Variants in IBTK observed in about 807,000 individuals in gnomAD.
IBTK encodes the protein BTK-binding protein.
Under a neutral mutation model 154.9 loss-of-function variants are expected in IBTK, and 83 were observed. That is an observed-to-expected ratio of 0.54 (90% CI 0.45 to 0.64). The LOEUF (loss-of-function observed/expected upper bound fraction) is 0.64. Ranked by LOEUF, IBTK falls within the 30% of genes least tolerant of loss-of-function variation. The pLI, the probability that IBTK is intolerant of heterozygous loss-of-function variation, is 0.00. For synonymous variants in IBTK, 515 were observed against 536.1 expected, an observed-to-expected ratio of 0.96 and a Z score of 0.54; for missense variants, 1,332 against 1,584.6, an observed-to-expected ratio of 0.84 and a Z score of 2.71.
chr6:82,237,878 T>A (rs1323840820), intron 2 of IBTK, among the ~76,000 whole-genome samples: 1 of 152,148 alleles, frequency 6.6e-6, no homozygotes, highest in Non-Finnish European at 1.5e-5. Context: ...CAGAAGTTCC[T>A]TAAGGACCAG....
At chr6:82,186,627 T>C (rs1768566132) in intron 25 of IBTK, among the ~76,000 whole-genome samples, 1 of 152,168 alleles carries the variant, frequency 6.6e-6, no homozygotes, top group African/African-American at 2.4e-5. Flanking sequence ...ATCTCCAAAG[T>C]ATGCCTGTAT....
chr6:82,204,834 T>G, intron 17 of IBTK, 23 bp downstream of exon 17: 1 of 1,347,450 alleles, frequency 7.4e-7, no homozygotes, highest in Non-Finnish European at 1.0e-6. Context: ...AACATATTAA[T>G]ATTCAAACTC....
chr6:82,179,338 G>C (rs940257906), intron 26 of IBTK, among the ~76,000 whole-genome samples: 6 of 152,014 alleles, frequency 3.9e-5, no homozygotes, highest in Non-Finnish European at 5.9e-5. Context: ...TTATGAGATG[G>C]GTATGAGGAA....
chr6:82,200,507 C>G, intron 20 of IBTK, 80 bp downstream of exon 20: 1 of 1,245,460 alleles, frequency 8.0e-7, no homozygotes, highest in Non-Finnish European at 1.1e-6. Context: ...GTCATATGTC[C>G]AAGATGAGAG....
intron 3 of IBTK, among the ~76,000 whole-genome samples, chr6:82,233,683 C>A (rs1770602378): frequency 6.6e-6 from 1 of 150,430 alleles, no homozygotes; most frequent in African/African-American, 2.4e-5. Context: ...CTAAGCTAAG[C>A]TGCACCTTAA....
chr6:82,230,053 C>A (rs1047195200), intron 4 of IBTK, among the ~76,000 whole-genome samples: 1 of 152,098 alleles, frequency 6.6e-6, no homozygotes, highest in African/African-American at 2.4e-5. Context: ...GGGATACTAA[C>A]AATTACACTA....
chr6:82,191,279 C>A (rs1183593054), intron 24 of IBTK, 63 bp from the exon 25 acceptor site: 7 of 1,306,744 alleles, frequency 5.4e-6, no homozygotes, highest in Non-Finnish European at 6.4e-6. Flanking sequence ...CATGAGAAAT[C>A]ATTTTGCTAG....
intron 16 of IBTK, among the ~76,000 whole-genome samples, chr6:82,207,954 C>T (rs770865711): frequency 5.0e-4 from 76 of 151,830 alleles, no homozygotes; most frequent in Non-Finnish European, 1.0e-3. Context: ...TACTAGAGGT[C>T]AGGGGATTAG....
chr6:82,184,811 T>A (rs1392256469), intron 25 of IBTK, among the ~76,000 whole-genome samples: 4 of 152,208 alleles, frequency 2.6e-5, no homozygotes, highest in Non-Finnish European at 4.4e-5. Flanking sequence ...AACATATTTT[T>A]AAAAATCTTT....
At position 82,196,371 on chromosome 6, in the gene IBTK, T is replaced by C. The variant is rs1768986679; in HGVS notation, c.3101A>G (p.Tyr1034Cys). The C allele has an allele frequency of 6.2e-7, 1 of 1,613,026 alleles. No homozygotes were observed. The highest frequency in any genetic ancestry group is 8.5e-7 in the Non-Finnish European group (1 of 1,179,278). The change falls in exon 22 of 29, where the codon TAT becomes TGT. Residue 1034 changes from tyrosine (Y) to cysteine (C), a missense_variant. Transcript: ENST00000306270. Reference sequence around the variant, plus strand: ...ATCTCTAGGACTACCCACTCCTGCATAGCTTCCTTCAGAGTCTGATGTCAA... The same window carrying C: ...ATCTCTAGGACTACCCACTCCTGCACAGCTTCCTTCAGAGTCTGATGTCAA... The part of the protein sequence containing the change: ...ELLTSDSEGS[Y>C]AGVGSPRDLQ...
intron 2 of IBTK, among the ~76,000 whole-genome samples, chr6:82,238,393 C>T (rs1365354770): frequency 6.6e-6 from 1 of 152,048 alleles, no homozygotes; most frequent in African/African-American, 2.4e-5. Context: ...TTCAATACAA[C>T]ACACCTAATC....
At chr6:82,226,008 G>A (rs573270413) in intron 5 of IBTK, among the ~76,000 whole-genome samples, 8 of 151,914 alleles carry the variant, frequency 5.3e-5, no homozygotes, top group African/African-American at 9.7e-5. Flanking sequence ...GTTTCCCTTC[G>A]GGGAGTAGCC....
intron 25 of IBTK, among the ~76,000 whole-genome samples, chr6:82,183,709 A>G (rs1768403769): frequency 6.6e-6 from 1 of 152,214 alleles, no homozygotes; most frequent in African/African-American, 2.4e-5. Flanking sequence ...GACAAAACCA[A>G]TTATGGTAAT....
At chr6:82,224,904 C>T (rs1770237074) in intron 6 of IBTK, among the ~76,000 whole-genome samples, 3 of 152,104 alleles carry the variant, frequency 2.0e-5, no homozygotes, top group African/African-American at 7.2e-5. Context: ...TTAAAAGATG[C>T]AGTTTGGTGG....
intron 1 of IBTK, among the ~76,000 whole-genome samples, chr6:82,242,047 C>G (rs138171044): frequency 6.6e-6 from 1 of 152,314 alleles, no homozygotes; most frequent in East Asian, 1.9e-4. Context: ...TAGGTTGGTA[C>G]AAAAGTAGTT....
At chr6:82,184,658 A>T (rs574555918) in intron 25 of IBTK, among the ~76,000 whole-genome samples, 12 of 152,326 alleles carry the variant, frequency 7.9e-5, no homozygotes, top group African/African-American at 2.4e-4. Context: ...GCAGGAGTAC[A>T]ACTATAAACA....
Position 82,240,576 on chromosome 6 carries a change from G to C in IBTK, c.-90C>G. 1 of 1,020,344 alleles carries C rather than the reference G, an allele frequency of 9.8e-7. No individual in the cohort carries two copies. The highest frequency in any genetic ancestry group is 1.4e-6 in the Non-Finnish European group (1 of 693,718). 63.2% of individuals were successfully genotyped at this position (1,020,344 alleles called of 1,614,324 possible). A position where few individuals can be genotyped will look rare whatever the true frequency, so the allele number is the denominator to read the frequency against. On this transcript the variant is annotated 5_prime_UTR_variant, in exon 2 of 29. Coordinates refer to ENST00000306270, the MANE Select transcript of IBTK (RefSeq NM_015525.4). Reference sequence around the variant, plus strand: ...AGGACACAAAGGTGCTATTGAGGAAGTTACAGAGAATAAATTACCTTTTTA... The same window carrying C: ...AGGACACAAAGGTGCTATTGAGGAACTTACAGAGAATAAATTACCTTTTTA...
intron 25 of IBTK, 58 bp downstream of exon 25, chr6:82,191,015 A>G: frequency 7.9e-7 from 1 of 1,262,710 alleles, no homozygotes. Context: ...AAAGTCAAGT[A>G]CTACCTTAAA....
intron 7 of IBTK, among the ~76,000 whole-genome samples, 185 bp from the exon 8 acceptor site, chr6:82,223,805 C>T (rs1186972923): frequency 6.6e-6 from 1 of 152,008 alleles, no homozygotes; most frequent in Non-Finnish European, 1.5e-5. Flanking sequence ...CAAAAAATAG[C>T]CCAGCATGGT....
Sources: allele counts gnomAD v4.1 joint callset (sites outside exome capture counted in the v4.1 genomes callset), GRCh38; gene constraint gnomAD v4.1.1; transcripts MANE v1.5; gene names NCBI Gene and HGNC (gene_info 2026-07-23, HGNC 2026-07-21).